The following ZBTB38 variants were observed in gnomAD, a reference collection of about 807,000 sequenced individuals.
The protein encoded by ZBTB38 is zinc finger and BTB domain-containing protein 38.
Under a neutral mutation model 76.8 loss-of-function variants are expected in ZBTB38, and 20 were observed. That is an observed-to-expected ratio of 0.26 (90% CI 0.18 to 0.38). The LOEUF (loss-of-function observed/expected upper bound fraction) is 0.38, where lower values mean the gene tolerates loss of function less well. Among genes scored for constraint, ZBTB38 ranks in the 10% least tolerant of loss-of-function variants. The pLI is 1.00. For synonymous variants in ZBTB38, 504 were observed against 544.2 expected (o/e 0.93, Z 1.03); for missense variants, 1,082 against 1,482.3 (o/e 0.73, Z 4.43).
chr3:141,335,906 A>G (rs752266209), intron 1 of ZBTB38, among the ~76,000 whole-genome samples: 3 of 152,396 alleles, frequency 2.0e-5, no homozygotes, highest in East Asian at 1.9e-4. Flanking sequence ...GCTGACACAT[A>G]GTAGAATGCT....
chr3:141,339,472 A>G (rs1398383238), intron 1 of ZBTB38, among the ~76,000 whole-genome samples: 1 of 152,218 alleles, frequency 6.6e-6, no homozygotes, highest in Non-Finnish European at 1.5e-5. Flanking sequence ...GTAGGAGACT[A>G]CTATAAAAAT....
chr3:141,389,626 A>G (rs1472585979), intron 4 of ZBTB38: 1 of 152,192 alleles, frequency 6.6e-6, no homozygotes, highest in Non-Finnish European at 1.5e-5. Flanking sequence ...AACAGTTGCA[A>G]TAGGATCAAG....
rs1419738614 is a variant in ZBTB38, at chr3:141,428,798, C to T, written c.1-13591C>T. The stretch of plus-strand genomic sequence containing the variant: ...GCCAGTATTTCCATTTTTTATGTGC[C>T]GGCCTCCACAGGATTGTGGAAGTGA... On this transcript the variant is annotated intron_variant, in intron 5 of 5. Transcript: ENST00000321464. 6.6e-5 allele frequency among the ~76,000 whole-genome samples: 10 copies of T among 152,172 alleles called. No individual in the cohort carries two copies. In the South Asian group the frequency reaches 1.5e-3, roughly 22 times the overall value.
chr3:141,357,826 C>A (rs924985417), intron 1 of ZBTB38, among the ~76,000 whole-genome samples: 1 of 152,176 alleles, frequency 6.6e-6, no homozygotes, highest in African/African-American at 2.4e-5. Context: ...ATCAACTTAG[C>A]TTTTATTTAT....
Position 141,442,658 on chromosome 3 carries a change from T to C in ZBTB38, c.270T>C (p.Tyr90=). 1 of 1,614,238 alleles carries C rather than the reference T, an allele frequency of 6.2e-7. No individual in the cohort carries two copies. ...AAGTGTTTACTGAAATACTTAATTA[T>C]ATCTACAGTTCCACAGTCGTTGTCA... ...KAEVFTEILN[Y]IYSSTVVVKR... is the part of the protein sequence containing the mutation. The change falls in exon 6 of 6, where the codon TAT becomes TAC. Residue 90 remains tyrosine, a synonymous_variant. Coordinates refer to ENST00000321464, the MANE Select transcript of ZBTB38 (RefSeq NM_001376113.1). This position sits in a 1 kb window ranked among gnomAD's most constrained non-coding sequence, Gnocchi z 6.4.
At chr3:141,434,091 C>T (rs1465388014) in intron 5 of ZBTB38, 2 of 529,744 alleles carry the variant, frequency 3.8e-6, no homozygotes, top group African/African-American at 2.1e-5. Flanking sequence ...CAGATTGTCC[C>T]TGTACTCAAG....
At chr3:141,420,127 G>A (rs188213522) in intron 5 of ZBTB38, among the ~76,000 whole-genome samples, 10 of 152,256 alleles carry the variant, frequency 6.6e-5, no homozygotes, top group South Asian at 2.1e-4. Flanking sequence ...CTGGGTAAGC[G>A]GATATGGGCA....
Position 141,371,045 on chromosome 3 carries a change from C to CTTTTT in ZBTB38, c.-235+1121_-235+1125dup, listed in dbSNP as rs754872291. Among the ~76,000 whole-genome samples, 332 of 71,992 alleles carry CTTTTT rather than the reference C, an allele frequency of 4.6e-3. 33 individuals carry two copies. The highest frequency in any genetic ancestry group is 0.014 in the African/African-American group (175 of 12,842). The allele number at this position is 71,992 out of a possible 152,430, so 47.2% of individuals were successfully genotyped here. A position where few individuals can be genotyped will look rare whatever the true frequency, so the allele number is the denominator to read the frequency against. ...GTTTTTTCTTTTCTTTTCTTTCTTTCTTTTTTTTTTTTTTTTTTTTTTTTT... is the reference window on the plus strand; with the variant it reads ...GTTTTTTCTTTTCTTTTCTTTCTTTCTTTTTTTTTTTTTTTTTTTTTTTTTTTTTT... On this transcript the variant is annotated intron_variant, in intron 2 of 5. Coordinates refer to ENST00000321464, the MANE Select transcript of ZBTB38 (RefSeq NM_001376113.1).
chr3:141,360,871 C>T (rs562981263), intron 1 of ZBTB38, among the ~76,000 whole-genome samples: 1 of 152,272 alleles, frequency 6.6e-6, no homozygotes, highest in South Asian at 2.1e-4. Flanking sequence ...GGCAAACGCA[C>T]CCCTGGTTGA....
intron 5 of ZBTB38, among the ~76,000 whole-genome samples, chr3:141,423,225 C>T (rs1277825621): frequency 2.0e-5 from 3 of 152,188 alleles, no homozygotes; most frequent in Non-Finnish European, 4.4e-5. Flanking sequence ...ACTGACCCTG[C>T]TTCCAATACC....
rs944528189 is a variant in ZBTB38, at chr3:141,443,107, A to G, written c.719A>G (p.His240Arg). Residue 240 changes from histidine to arginine, a missense_variant, in exon 6 of 6, where the codon CAT (histidine) becomes CGT (arginine). Transcript: ENST00000321464. This position sits in a 1 kb window ranked among gnomAD's most constrained non-coding sequence, Gnocchi z 5.6. ...TACAGAAGTCAGCCTGTACGTGAAC[A>G]TGATGGCAGTTCACCTGGTAACACA... ...EAYRSQPVRE[H>R]DGSSPGNTGK... 1.4e-5 allele frequency: 22 copies of G among 1,614,134 alleles called. No individual in the cohort carries two copies. The East Asian group carries it at 3.3e-4, about 25-fold the overall frequency.
At chr3:141,341,819 C>G (rs1236504231) in intron 1 of ZBTB38, among the ~76,000 whole-genome samples, 1 of 151,956 alleles carries the variant, frequency 6.6e-6, no homozygotes, top group Non-Finnish European at 1.5e-5. Context: ...GAAGACATTG[C>G]CAGAATAATT....
At chr3:141,418,232 C>T (rs954867307) in intron 5 of ZBTB38, among the ~76,000 whole-genome samples, 3 of 152,324 alleles carry the variant, frequency 2.0e-5, no homozygotes, top group South Asian at 2.1e-4. Flanking sequence ...ACCAGGGTTC[C>T]TCCCCATCTC....
chr3:141,384,144 G>T (rs1263001912), intron 3 of ZBTB38, among the ~76,000 whole-genome samples: 1 of 152,208 alleles, frequency 6.6e-6, no homozygotes, highest in East Asian at 1.9e-4. Context: ...GAGTGTCTTG[G>T]AACATCACAA....
intron 5 of ZBTB38, among the ~76,000 whole-genome samples, chr3:141,404,355 G>C (rs1418038108): frequency 6.6e-6 from 1 of 152,210 alleles, no homozygotes; most frequent in Non-Finnish European, 1.5e-5. Flanking sequence ...GAGGCCCGGA[G>C]AGTTTAAATG....
intron 1 of ZBTB38, among the ~76,000 whole-genome samples, chr3:141,329,714 T>G (rs1942786968): frequency 6.6e-6 from 1 of 152,216 alleles, no homozygotes; most frequent in South Asian, 2.1e-4. Flanking sequence ...TGCATTACAT[T>G]TATGTGTCAA....
At chr3:141,333,733 C>A (rs1942923681) in intron 1 of ZBTB38, among the ~76,000 whole-genome samples, 1 of 152,154 alleles carries the variant, frequency 6.6e-6, no homozygotes, top group Admixed American at 6.5e-5. Flanking sequence ...ACATCTGGCC[C>A]TGCAATTTGT....
At chr3:141,326,672 A>G (rs982283654) in intron 1 of ZBTB38, among the ~76,000 whole-genome samples, 10 of 152,138 alleles carry the variant, frequency 6.6e-5, no homozygotes, top group African/African-American at 2.2e-4. Flanking sequence ...ATCTCTGATC[A>G]TGTTGTGTTT....
At chr3:141,331,112 T>C (rs936046697) in intron 1 of ZBTB38, among the ~76,000 whole-genome samples, 2 of 152,248 alleles carry the variant, frequency 1.3e-5, no homozygotes, top group African/African-American at 4.8e-5. Context: ...AGCATCTCTT[T>C]GAACTTTTGC....
Sources: allele counts gnomAD v4.1 joint callset (sites outside exome capture counted in the v4.1 genomes callset), GRCh38; gene constraint gnomAD v4.1.1; non-coding constraint Gnocchi (gnomAD v3.1); transcripts MANE v1.5; gene names NCBI Gene and HGNC (gene_info 2026-07-23, HGNC 2026-07-21).